The following GLI2 variants were observed in gnomAD, a reference collection of about 807,000 sequenced individuals.
The protein encoded by GLI2 is transcription activator GLI2.
A neutral mutation model predicts 78.9 loss-of-function variants in GLI2; 22 were observed. The observed-to-expected ratio is 0.28, with a 90% CI of 0.20 to 0.40. GLI2 has a LOEUF of 0.40. Ranked by LOEUF, GLI2 falls within the 10% of genes least tolerant of loss-of-function variation. GLI2 has a pLI of 1.00. For missense variants in GLI2, 2,097 were observed against 2,213.2 expected, an observed-to-expected ratio of 0.95 and a Z score of 1.05; for synonymous variants, 974 against 963.7, an observed-to-expected ratio of 1.01 and a Z score of -0.20.
intron 2 of GLI2, among the ~76,000 whole-genome samples, chr2:120,896,696 TACAC>T (rs70954513): frequency 0.014 from 1,767 of 128,830 alleles, 22 homozygotes; most frequent in African/African-American, 0.026. Flanking sequence ...CACACACCCA[TACAC>T]ACACACACAC....
chr2:120,892,254 A>G (rs927414513), intron 2 of GLI2, among the ~76,000 whole-genome samples: 178 of 152,268 alleles, frequency 1.2e-3, no homozygotes, highest in African/African-American at 4.0e-3. Context: ...TTGTTTCACG[A>G]GAGGTTTCTG....
rs796716945 is a variant in GLI2, at chr2:120,800,758, AG to A, written c.148+3291del. Among the ~76,000 whole-genome samples, 37 of 152,210 alleles carry A rather than the reference AG, an allele frequency of 2.4e-4. 1 individual carries two copies. Among genetic ancestry groups the A allele is most frequent in the African/African-American group, 8.7e-4 (36 of 41,526 alleles). Reference sequence around the variant, plus strand: ...CCTGACCTCATGATCCGCCCGCCTCAGCCTCCCAAAGTGCCGGGATTACAGG... The same window carrying A: ...CCTGACCTCATGATCCGCCCGCCTCACCTCCCAAAGTGCCGGGATTACAGG... On this transcript the variant is annotated intron_variant, in intron 2 of 13. Transcript: ENST00000361492. This position sits in a 1 kb window ranked among gnomAD's most constrained non-coding sequence, Gnocchi z 4.1.
intron 2 of GLI2, among the ~76,000 whole-genome samples, chr2:120,824,159 C>G (rs1356436748): frequency 6.6e-6 from 1 of 152,116 alleles, no homozygotes; most frequent in East Asian, 1.9e-4. Flanking sequence ...ACCAGTGGAA[C>G]CCAGGTTCGG....
Position 120,989,456 on chromosome 2 carries a change from G to T in GLI2, c.3491G>T (p.Gly1164Val). 6.2e-7 allele frequency: 1 copy of T among 1,613,120 alleles called. No homozygotes were observed. Among genetic ancestry groups the T allele is most frequent in the South Asian group, 1.1e-5 (1 of 91,084 alleles). Residue 1164 changes from glycine (G) to valine (V), a missense_variant, in exon 14 of 14, where the codon GGC becomes GTC. Gly to Val is a moderately radical substitution (Grantham distance 109). Transcript: ENST00000361492. ...GTGGTGCAGCAGAAGCCTGCCTTTGGCCAGTACCCGGGCTACAGTCCGCAA... is the reference window on the plus strand; with the variant it reads ...GTGGTGCAGCAGAAGCCTGCCTTTGTCCAGTACCCGGGCTACAGTCCGCAA... ...LAVVQQKPAF[G>V]QYPGYSPQGL...
chr2:120,935,997 G>A (rs1323492287), intron 3 of GLI2, among the ~76,000 whole-genome samples: 3 of 151,540 alleles, frequency 2.0e-5, no homozygotes, highest in South Asian at 2.1e-4. Context: ...TGTGCAGGCC[G>A]AGGTGGGCGT....
chr2:120,835,271 A>G (rs1395645948), intron 2 of GLI2, among the ~76,000 whole-genome samples: 1 of 152,092 alleles, frequency 6.6e-6, no homozygotes, highest in Admixed American at 6.5e-5. Context: ...GAGCACAACC[A>G]ATACCAGGCT....
chr2:120,773,060 C>T (rs1683568527), intron 1 of GLI2, among the ~76,000 whole-genome samples: 1 of 152,204 alleles, frequency 6.6e-6, no homozygotes, highest in Non-Finnish European at 1.5e-5. Flanking sequence ...TAACCAGCCC[C>T]TTATTTTTGG....
intron 8 of GLI2, 158 bp from the exon 9 acceptor site, chr2:120,974,790 GTGTGTGTGTGTGTCTGCATGCATGTGT>G: frequency 2.6e-6 from 2 of 777,836 alleles, no homozygotes; most frequent in Non-Finnish European, 4.5e-6. Flanking sequence ...GTGTGTGTGT[GTGTGTGTGTGTGTCTGCATGCATGTGT>G]TGTGTGTGTG....
Position 120,990,989 on chromosome 2 carries a change from C to A in GLI2, c.*314C>A. The A allele has an allele frequency of 3.0e-6, 1 of 335,474 alleles. No homozygotes were observed. Among genetic ancestry groups the A allele is most frequent in the Non-Finnish European group, 5.4e-6 (1 of 183,670 alleles). 20.8% of individuals were successfully genotyped at this position (335,474 alleles called of 1,614,324 possible). On this transcript the variant is annotated 3_prime_UTR_variant, in exon 14 of 14. Coordinates refer to ENST00000361492, the MANE Select transcript of GLI2 (RefSeq NM_001374353.1). ...TTCCGGCTTCTTCACGGCTGACATT[C>A]GGCTAACGAGGGATTACTTTGGCCA...
Position 120,989,472 on chromosome 2 carries a change from C to T in GLI2, c.3507C>T (p.Tyr1169=), listed in dbSNP as rs1325542680. 3 of 1,613,000 alleles carry T rather than the reference C, an allele frequency of 1.9e-6. No individual in the cohort carries two copies. Among genetic ancestry groups the T allele is most frequent in the Non-Finnish European group, 2.5e-6 (3 of 1,179,984 alleles). Reference sequence around the variant, plus strand: ...CTGCCTTTGGCCAGTACCCGGGCTACAGTCCGCAAGGCCTACAGGCTAGCC... The same window carrying T: ...CTGCCTTTGGCCAGTACCCGGGCTATAGTCCGCAAGGCCTACAGGCTAGCC... The part of the protein sequence containing the change: ...QKPAFGQYPG[Y]SPQGLQASPG... The change falls in exon 14 of 14, where the codon TAC becomes TAT. Residue 1169 remains tyrosine, a synonymous_variant. Coordinates refer to ENST00000361492, the MANE Select transcript of GLI2 (RefSeq NM_001374353.1).
chr2:120,896,664 CACCCA>C (rs1395130396), intron 2 of GLI2, among the ~76,000 whole-genome samples: 1 of 10,184 alleles, frequency 9.8e-5, no homozygotes, highest in African/African-American at 4.2e-4. Flanking sequence ...CACACACATA[CACCCA>C]CCCCCCCACA....
intron 2 of GLI2, among the ~76,000 whole-genome samples, chr2:120,904,655 T>A (rs1425490490): frequency 1.3e-5 from 2 of 152,200 alleles, no homozygotes; most frequent in Non-Finnish European, 2.9e-5. Flanking sequence ...CAACGCCCCC[T>A]GCCCGATGGA....
intron 2 of GLI2, among the ~76,000 whole-genome samples, chr2:120,822,871 A>G (rs913211380): frequency 2.0e-5 from 3 of 152,214 alleles, no homozygotes; most frequent in African/African-American, 7.2e-5. Context: ...TTTTATTTTC[A>G]GTACACTCTG....
chr2:120,840,235 T>A (rs985108785), intron 2 of GLI2, among the ~76,000 whole-genome samples: 3 of 152,232 alleles, frequency 2.0e-5, no homozygotes, highest in African/African-American at 7.2e-5. Context: ...TTTCCCCGCT[T>A]CTGTCCATTC....
intron 1 of GLI2, among the ~76,000 whole-genome samples, chr2:120,751,405 T>C (rs1682870957): frequency 6.6e-6 from 1 of 152,216 alleles, no homozygotes; most frequent in African/African-American, 2.4e-5. Context: ...CTCGTACTTT[T>C]TACTTAATAC....
chr2:120,878,237 G>A (rs775864373), intron 2 of GLI2, among the ~76,000 whole-genome samples: 2 of 152,242 alleles, frequency 1.3e-5, no homozygotes, highest in African/African-American at 4.8e-5. Flanking sequence ...CCCAGGGGCA[G>A]AGCAAGGAAG....
chr2:120,822,491 C>G lies in GLI2; in HGVS notation c.148+25023C>G, dbSNP rs781020856. Among the ~76,000 whole-genome samples, 19 of 152,184 alleles carry G rather than the reference C, an allele frequency of 1.2e-4. 1 individual carries two copies. The highest frequency in any genetic ancestry group is 5.2e-4 in the Admixed American group (8 of 15,282). Reference sequence around the variant, plus strand: ...AATACCAAGAGAGATGGTGCTGTCCCCATTCCACCCCTTTGCATGTGGCTG... The same window carrying G: ...AATACCAAGAGAGATGGTGCTGTCCGCATTCCACCCCTTTGCATGTGGCTG... On this transcript the variant is annotated intron_variant, in intron 2 of 13. Transcript: ENST00000361492.
chr2:120,840,320 T>C (rs546625704), intron 2 of GLI2, among the ~76,000 whole-genome samples: 11 of 152,254 alleles, frequency 7.2e-5, no homozygotes, highest in Non-Finnish European at 1.3e-4. Flanking sequence ...GTTTCTGTTA[T>C]GCATTTTCTA....
At chr2:120,866,860 T>G (rs1338869154) in intron 2 of GLI2, 1 of 152,150 alleles carries the variant, frequency 6.6e-6, no homozygotes, top group Non-Finnish European at 1.5e-5. Flanking sequence ...ACTCGATGAG[T>G]GACATTTCAG....
Sources: allele counts gnomAD v4.1 joint callset (sites outside exome capture counted in the v4.1 genomes callset), GRCh38; gene constraint gnomAD v4.1.1; non-coding constraint Gnocchi (gnomAD v3.1); transcripts MANE v1.5; gene names NCBI Gene and HGNC (gene_info 2026-07-23, HGNC 2026-07-21).